The following SLC2A6 variants were observed in gnomAD, a reference collection of about 807,000 sequenced individuals.
SLC2A6 encodes solute carrier family 2 member 6.
A neutral mutation model predicts 47.8 loss-of-function variants in SLC2A6; 39 were observed. The ratio of observed to expected loss-of-function variants is 0.82; its 90% CI spans 0.63 to 1.07. The LOEUF is 1.07. Among genes scored for constraint, SLC2A6 ranks in the 50% least tolerant of loss-of-function variants. SLC2A6 has a pLI of 0.00. For synonymous variants in SLC2A6, 346 were observed against 324.1 expected, an observed-to-expected ratio of 1.07 and a Z score of -0.73; for missense variants, 650 against 707.6, an observed-to-expected ratio of 0.92 and a Z score of 0.92.
At chr9:133,478,498 GC>G in intron 1 of SLC2A6, 82 bp from the exon 2 acceptor site, 2 of 1,526,398 alleles carry the variant, frequency 1.3e-6, no homozygotes, top group Non-Finnish European at 1.8e-6. Flanking sequence ...CCCAGTGGCT[GC>G]CCGGCTCAGC....
chr9:133,475,416 T>C lies in SLC2A6; in HGVS notation c.758A>G (p.Asp253Gly). 1.2e-6 allele frequency: 2 copies of C among 1,606,502 alleles called. No individual in the cohort carries two copies. Among genetic ancestry groups the C allele is most frequent in the South Asian group, 1.1e-5 (1 of 90,760 alleles). ...DVHWEFEQIQ[D>G]NVRRQSSRVS... ...CTCCTGCACCTGTCTCCGGACGTTG[T>C]CCTGGATCTGCTCGAACTCCCAGTG... The change falls in exon 5 of 10, where the codon GAC (aspartate) becomes GGC (glycine). Residue 253 changes from aspartate (D) to glycine (G), a missense_variant. Coordinates refer to ENST00000371899, the MANE Select transcript of SLC2A6 (RefSeq NM_017585.4).
At position 133,479,039 on chromosome 9, in the gene SLC2A6, T is replaced by G. The variant is rs782580371; in HGVS notation, c.21A>C (p.Gly7=). The G allele has an allele frequency of 6.3e-7, 1 of 1,598,302 alleles. No homozygotes were observed. Among genetic ancestry groups the G allele is most frequent in the Non-Finnish European group, 8.5e-7 (1 of 1,175,720 alleles). Residue 7 remains glycine (G), a synonymous_variant, in exon 1 of 10, where the codon GGA becomes GGC. Transcript: ENST00000371899. MQEPLL[G]AEGPDYDTFP... is the part of the protein sequence containing the mutation. ...AGGTGTCGTAGTCCGGGCCCTCGGC[T>G]CCCAGCAGCGGCTCCTGCATGGCCG...
chr9:133,474,165 C>T, intron 6 of SLC2A6, 77 bp from the exon 7 acceptor site: 1 of 1,174,678 alleles, frequency 8.5e-7, no homozygotes, highest in African/African-American at 1.5e-5. Flanking sequence ...CTTGTCCCGG[C>T]AGGCATTGCA....
At chr9:133,476,510 T>G in intron 3 of SLC2A6, 174 bp from the exon 4 acceptor site, 1 of 617,642 alleles carries the variant, frequency 1.6e-6, no homozygotes, top group Admixed American at 2.6e-5. Context: ...GCCTGATCTC[T>G]CTCTGTCCTC....
At chr9:133,478,464 C>G (rs1554803943) in intron 1 of SLC2A6, 48 bp from the exon 2 acceptor site, 4 of 1,602,252 alleles carry the variant, frequency 2.5e-6, no homozygotes, top group Non-Finnish European at 3.4e-6. Flanking sequence ...AGTCCCTCCT[C>G]CAGGGACCAT....
Position 133,478,415 on chromosome 9 carries a change from T to C in SLC2A6, c.94A>G (p.Thr32Ala). The change falls in exon 2 of 10, where the codon ACC (threonine) becomes GCC (alanine). Residue 32 changes from threonine to alanine, a missense_variant and splice_region_variant. By Grantham distance (58) the Thr-to-Ala change is moderately conservative. Coordinates refer to ENST00000371899, the MANE Select transcript of SLC2A6 (RefSeq NM_017585.4). ...AGGAACACCCTTTTGTTCTGCAGGGTCCTGGTGATGGTGGCGGACAAAAAG... is the reference window on the plus strand; with the variant it reads ...AGGAACACCCTTTTGTTCTGCAGGGCCCTGGTGATGGTGGCGGACAAAAAG... The part of the protein sequence containing the change: ...PSPGDRARVG[T>A]LQNKRVFLAT... The C allele has an allele frequency of 3.1e-6, 5 of 1,614,018 alleles. No homozygotes were observed. Among genetic ancestry groups the C allele is most frequent in the Non-Finnish European group, 3.4e-6 (4 of 1,179,992 alleles).
rs73550875 is a variant in SLC2A6, at chr9:133,472,354, G to C, written c.1369-178C>G. ...CCCCCACTGTCCCCAGGACAAATCC[G>C]AAGTAGCCCTTGAAGTCTGCATCCC... On this transcript the variant is annotated intron_variant, in intron 9 of 9. Coordinates refer to ENST00000371899, the MANE Select transcript of SLC2A6 (RefSeq NM_017585.4). 4.2e-3 allele frequency among the ~76,000 whole-genome samples: 636 copies of C among 151,792 alleles called. 5 individuals are homozygous for C. Among genetic ancestry groups the C allele is most frequent in the African/African-American group, 0.015 (608 of 41,348 alleles).
In SLC2A6 at chr9:133,473,501, G is replaced by T. The variant is rs374710721; in HGVS notation, c.1136C>A (p.Ser379Tyr). 3.1e-5 allele frequency: 49 copies of T among 1,603,088 alleles called. No individual in the cohort carries two copies. The African/African-American group carries it at 4.5e-4, about 15-fold the overall frequency. ...CAGGGGCTGCGCCAAGTCCCCCCAG[G>T]ACTCGCTTTCCAGGCCCGCAGTGCT... ...PNSTAGLESE[S>Y]WGDLAQPLAA... is the part of the protein sequence containing the mutation. Residue 379 changes from serine (S) to tyrosine (Y), a missense_variant, in exon 8 of 10, where the codon TCC (serine) becomes TAC (tyrosine). By Grantham distance (144) the Ser-to-Tyr change is moderately radical. Coordinates refer to ENST00000371899, the MANE Select transcript of SLC2A6 (RefSeq NM_017585.4).
At chr9:133,474,469 A>G (rs1406454642) in intron 6 of SLC2A6, among the ~76,000 whole-genome samples, 1 of 152,242 alleles carries the variant, frequency 6.6e-6, no homozygotes, top group Non-Finnish European at 1.5e-5. Flanking sequence ...GACTTCCCTC[A>G]TTAAGTGGCA....
Position 133,472,066 on chromosome 9 carries a change from CT to C in SLC2A6, c.1478del (p.Gln493ArgfsTer91). The C allele has an allele frequency of 6.2e-7, 1 of 1,613,394 alleles. No individual in the cohort carries two copies. Among genetic ancestry groups the C allele is most frequent in the Non-Finnish European group, 8.5e-7 (1 of 1,179,916 alleles). On this transcript the variant is annotated frameshift_variant, in exon 10 of 10. Coordinates refer to ENST00000371899, the MANE Select transcript of SLC2A6 (RefSeq NM_017585.4). LOFTEE classifies it high-confidence loss of function. The part of the protein sequence containing the change: ...VPETKGRSLE[Q>X]IESFFRTGRR... ...TCCCCGTGCGGAAGAAGGACTCGAT[CT>C]GCTCCAGGGACCGTCCCTTGGTCTC...
rs782699886 is a variant in SLC2A6 at position 133,473,402 on chromosome 9, C to G, written c.1222+13G>C. ...CAAGACAGCCTGCCCCTCTGAGCCA[C>G]CACCACACCTACCCATGATGAAGAG... On this transcript the variant is annotated intron_variant, in intron 8 of 9. Transcript: ENST00000371899. 50 of 1,586,658 alleles carry G rather than the reference C, an allele frequency of 3.2e-5. No homozygotes were observed. Among genetic ancestry groups the G allele is most frequent in the African/African-American group, 5.4e-5 (4 of 74,562 alleles).
chr9:133,475,610 G>T lies in SLC2A6; in HGVS notation c.564C>A (p.Gly188=), dbSNP rs782449076. ...CCAGCCAGCGCCACGGCAGCAGGAGGCCTGGGGGCGAGGGGTGGGTGAGGG... is the reference window on the plus strand; with the variant it reads ...CCAGCCAGCGCCACGGCAGCAGGAGTCCTGGGGGCGAGGGGTGGGTGAGGG... ...VFGSLSLYAL[G]LLLPWRWLAV... Residue 188 remains glycine, a splice_region_variant and synonymous_variant, in exon 5 of 10, where the codon GGC becomes GGA. Coordinates refer to ENST00000371899, the MANE Select transcript of SLC2A6 (RefSeq NM_017585.4). 11 of 1,579,990 alleles carry T rather than the reference G, an allele frequency of 7.0e-6. No individual in the cohort carries two copies. Among genetic ancestry groups the T allele is most frequent in the East Asian group, 4.6e-5 (2 of 43,646 alleles).
chr9:133,473,618 G>A lies in SLC2A6; in HGVS notation c.1037-18C>T. On this transcript the variant is annotated intron_variant, in intron 7 of 9. Transcript: ENST00000371899. ...GATGGCCGCTGTGGACAGACAGGTG[G>A]CCTCGTGGGGCCAGGACCCTCTGAG... 3.3e-6 allele frequency: 5 copies of A among 1,504,060 alleles called. No individual in the cohort carries two copies. Among genetic ancestry groups the A allele is most frequent in the Non-Finnish European group, 4.4e-6 (5 of 1,127,742 alleles). 93.2% of individuals were successfully genotyped at this position (1,504,060 alleles called of 1,614,324 possible).
In SLC2A6 at chr9:133,473,132, G is replaced by T. The variant is rs782318726; in HGVS notation, c.1341C>A (p.Val447=). 4 of 1,611,438 alleles carry T rather than the reference G, an allele frequency of 2.5e-6. No individual in the cohort carries two copies. The South Asian group carries it at 4.4e-5, about 18-fold the overall frequency. The part of the protein sequence containing the change: ...CVLASWLTAF[V]LTKSFLPVVS... ...CCACTGGCAGGAAGGACTTGGTGAGGACGAAGGCGGTGAGCCAGCTGGCCA... is the reference window on the plus strand; with the variant it reads ...CCACTGGCAGGAAGGACTTGGTGAGTACGAAGGCGGTGAGCCAGCTGGCCA... Residue 447 remains valine, a synonymous_variant, in exon 9 of 10, where the codon GTC becomes GTA. Coordinates refer to ENST00000371899, the MANE Select transcript of SLC2A6 (RefSeq NM_017585.4).
rs1386908547 is a variant in SLC2A6, at chr9:133,474,063, A to G, written c.953T>C (p.Val318Ala). The G allele has an allele frequency of 1.9e-6, 3 of 1,608,950 alleles. No homozygotes were observed. The highest frequency in any genetic ancestry group is 1.3e-5 in the African/African-American group (1 of 74,890). The change falls in exon 7 of 10, where the codon GTT becomes GCT. Residue 318 changes from valine to alanine, a missense_variant. Physicochemically the swap from Val to Ala is moderately conservative, Grantham distance 64. Coordinates refer to ENST00000371899, the MANE Select transcript of SLC2A6 (RefSeq NM_017585.4). ...LLPPKDDAAI[V>A]GAVRLLSVLI... Reference sequence around the variant, plus strand: ...CACGGACAGGAGCCGCACGGCCCCAACGATGGCTGCGTCGTCCTTGGGGGG... The same window carrying G: ...CACGGACAGGAGCCGCACGGCCCCAGCGATGGCTGCGTCGTCCTTGGGGGG...
intron 9 of SLC2A6, among the ~76,000 whole-genome samples, chr9:133,472,497 C>T (rs1171807943): frequency 3.3e-5 from 5 of 152,116 alleles, no homozygotes; most frequent in Non-Finnish European, 5.9e-5. Flanking sequence ...CTGCAGGAGG[C>T]CCGCCCTGCA....
In SLC2A6 at chr9:133,479,007, T is replaced by C; in HGVS notation, c.53A>G (p.Glu18Gly). The change falls in exon 1 of 10, where the codon GAG (glutamate) becomes GGG (glycine). Residue 18 changes from glutamate to glycine, a missense_variant. Coordinates refer to ENST00000371899, the MANE Select transcript of SLC2A6 (RefSeq NM_017585.4). The stretch of plus-strand genomic sequence containing the variant: ...GTCCCCTGGCGACGGGGGCGGCTTC[T>C]CGGGGAAGGTGTCGTAGTCCGGGCC... ...AEGPDYDTFP[E>G]KPPPSPGDRA... 6.3e-7 allele frequency: 1 copy of C among 1,598,738 alleles called. No individual in the cohort carries two copies.
intron 2 of SLC2A6, among the ~76,000 whole-genome samples, chr9:133,477,757 C>T (rs1261118347): frequency 6.6e-6 from 1 of 152,236 alleles, no homozygotes; most frequent in Non-Finnish European, 1.5e-5. Context: ...ATGCCTGGCA[C>T]ATAGGAAGTG....
At position 133,479,021 on chromosome 9, in the gene SLC2A6, G is replaced by T; in HGVS notation, c.39C>A (p.Tyr13Ter). The T allele has an allele frequency of 6.3e-7, 1 of 1,599,020 alleles. No individual in the cohort carries two copies. Among genetic ancestry groups the T allele is most frequent in the Non-Finnish European group, 8.5e-7 (1 of 1,175,972 alleles). The change falls in exon 1 of 10, where the codon TAC becomes TAA. Residue 13 changes from tyrosine (Y) to a stop codon, truncating the protein, a stop_gained. Coordinates refer to ENST00000371899, the MANE Select transcript of SLC2A6 (RefSeq NM_017585.4). LOFTEE classifies it high-confidence loss of function. ...EPLLGAEGPD[Y>*]DTFPEKPPPS... The stretch of plus-strand genomic sequence containing the variant: ...GGGGCGGCTTCTCGGGGAAGGTGTC[G>T]TAGTCCGGGCCCTCGGCTCCCAGCA...
Sources: gnomAD v4.1 joint callset for allele counts (sites outside exome capture counted in the v4.1 genomes callset) on GRCh38, gnomAD v4.1.1 for gene constraint, MANE v1.5 for transcripts, NCBI Gene and HGNC (gene_info 2026-07-23, HGNC 2026-07-21) for gene names.